Variants in GPC5 observed in about 807,000 individuals in gnomAD.
The protein encoded by GPC5 is glypican 5, also known as glypican-5.
Under a neutral mutation model 53.9 loss-of-function variants are expected in GPC5, and 47 were observed. That is an observed-to-expected ratio of 0.87 (90% CI 0.69 to 1.11). The LOEUF (loss-of-function observed/expected upper bound fraction) is 1.11, where lower values mean the gene tolerates loss of function less well. Among genes scored for constraint, GPC5 ranks in the 50% most tolerant of loss-of-function variants. The pLI is 0.00. For synonymous variants in GPC5, 286 were observed against 263.3 expected (o/e 1.09, Z -0.84); for missense variants, 748 against 713.1 (o/e 1.05, Z -0.56).
intron 6 of GPC5, among the ~76,000 whole-genome samples, chr13:91,941,629 G>T (rs1415130109): frequency 6.6e-6 from 1 of 152,040 alleles, no homozygotes; most frequent in Non-Finnish European, 1.5e-5. Flanking sequence ...TGATCACATT[G>T]GTTCAGATAT....
At position 91,647,669 on chromosome 13, in the gene GPC5, C is replaced by T. The variant is rs79006635; in HGVS notation, c.326-45518C>T. Reference sequence around the variant, plus strand: ...TGCCCTTACAGTTTTGCTGAATCTTCTTTAGACTACACAGCAGACTAGAAC... The same window carrying T: ...TGCCCTTACAGTTTTGCTGAATCTTTTTTAGACTACACAGCAGACTAGAAC... On this transcript the variant is annotated intron_variant, in intron 2 of 7. Transcript: ENST00000377067. 1.8e-3 allele frequency among the ~76,000 whole-genome samples: 276 copies of T among 152,326 alleles called. 2 individuals are homozygous for T. The East Asian group carries it at 0.049, about 27-fold the overall frequency.
intron 7 of GPC5, among the ~76,000 whole-genome samples, chr13:92,435,018 G>A (rs907222971): frequency 2.6e-5 from 4 of 152,130 alleles, no homozygotes; most frequent in African/African-American, 9.7e-5. Context: ...TGGTTCAAGC[G>A]ATTCTTCTGT....
At chr13:92,210,268 G>A (rs528722805) in intron 7 of GPC5, among the ~76,000 whole-genome samples, 18 of 152,088 alleles carry the variant, frequency 1.2e-4, no homozygotes, top group Admixed American at 8.5e-4. Flanking sequence ...TTCTAGTACC[G>A]TAAAGACTCA....
chr13:91,817,183 C>T (rs2038413222), intron 5 of GPC5, among the ~76,000 whole-genome samples: 1 of 152,174 alleles, frequency 6.6e-6, no homozygotes, highest in Non-Finnish European at 1.5e-5. Flanking sequence ...AATGCCAGCT[C>T]TTGACATATT....
intron 3 of GPC5, among the ~76,000 whole-genome samples, chr13:91,713,108 T>C (rs1398144566): frequency 1.3e-5 from 2 of 152,110 alleles, no homozygotes; most frequent in Non-Finnish European, 2.9e-5. Context: ...CGAGGATTGC[T>C]TGAACCCGGG....
At chr13:92,610,673 T>G (rs1009186774) in intron 7 of GPC5, among the ~76,000 whole-genome samples, 1 of 152,130 alleles carries the variant, frequency 6.6e-6, no homozygotes, top group African/African-American at 2.4e-5. Flanking sequence ...TTTAATTGAC[T>G]CATAGTTCAG....
At chr13:92,685,506 TA>T (rs879421267) in intron 7 of GPC5, among the ~76,000 whole-genome samples, 1 of 151,226 alleles carries the variant, frequency 6.6e-6, no homozygotes, top group African/African-American at 2.4e-5. Flanking sequence ...CTCTGCATTT[TA>T]AAAAAATAAT....
intron 7 of GPC5, among the ~76,000 whole-genome samples, chr13:92,655,410 C>G (rs1886098450): frequency 6.6e-6 from 1 of 152,068 alleles, no homozygotes; most frequent in Admixed American, 6.6e-5. Flanking sequence ...TCTCGACTCA[C>G]TGCAAACTCC....
chr13:92,720,379 ATAT>A (rs1167200393), intron 7 of GPC5, among the ~76,000 whole-genome samples: 1 of 152,170 alleles, frequency 6.6e-6, no homozygotes, highest in African/African-American at 2.4e-5. Context: ...GCATTTGGAA[ATAT>A]TATAAAAGTA....
At chr13:91,736,055 AC>A (rs1287710356) in intron 4 of GPC5, among the ~76,000 whole-genome samples, 1 of 151,480 alleles carries the variant, frequency 6.6e-6, no homozygotes, top group Non-Finnish European at 1.5e-5. Flanking sequence ...TGAATTAAAA[AC>A]ATTATTAAAT....
chr13:91,677,390 T>C (rs898439340), intron 2 of GPC5, among the ~76,000 whole-genome samples: 1 of 152,204 alleles, frequency 6.6e-6, no homozygotes, highest in South Asian at 2.1e-4. Flanking sequence ...TCCAGTTTTA[T>C]GGAATTTGGT....
intron 7 of GPC5, among the ~76,000 whole-genome samples, chr13:92,210,610 A>G (rs577684142): frequency 3.9e-5 from 6 of 152,244 alleles, no homozygotes; most frequent in Admixed American, 3.9e-4. Flanking sequence ...TTTTTTGAAT[A>G]CTGAGACCAT....
intron 2 of GPC5, among the ~76,000 whole-genome samples, chr13:91,602,781 G>A (rs1269869382): frequency 6.6e-6 from 1 of 152,110 alleles, no homozygotes; most frequent in Non-Finnish European, 1.5e-5. Context: ...CATTTATAAA[G>A]CGTAGTTCAA....
chr13:92,273,278 A>G (rs1217051029), intron 7 of GPC5, among the ~76,000 whole-genome samples: 1 of 152,084 alleles, frequency 6.6e-6, no homozygotes, highest in East Asian at 1.9e-4. Context: ...GAATTAATCA[A>G]TGGATGATGA....
chr13:92,525,523 TA>T (rs1162777335), intron 7 of GPC5, among the ~76,000 whole-genome samples: 2 of 149,132 alleles, frequency 1.3e-5, no homozygotes, highest in East Asian at 4.1e-4. Flanking sequence ...GTGACAGTAA[TA>T]AGTATATGAG....
chr13:92,465,213 A>T (rs900203542), intron 7 of GPC5, among the ~76,000 whole-genome samples: 4 of 152,088 alleles, frequency 2.6e-5, no homozygotes, highest in African/African-American at 9.6e-5. Flanking sequence ...ATTGCATAAA[A>T]GTGTATGTTA....
chr13:91,957,157 T>A (rs2040080884), intron 6 of GPC5, among the ~76,000 whole-genome samples: 1 of 152,168 alleles, frequency 6.6e-6, no homozygotes. Flanking sequence ...ATTCTGGGAC[T>A]GAGGAATTCA....
intron 3 of GPC5, among the ~76,000 whole-genome samples, chr13:91,705,166 A>T (rs969361960): frequency 6.6e-6 from 1 of 152,224 alleles, no homozygotes; most frequent in Non-Finnish European, 1.5e-5. Context: ...CATTTCAGGA[A>T]TGTGTAGTCT....
chr13:91,503,817 A>AATAATAATAATCATCATCATC (rs1555316221), intron 2 of GPC5, among the ~76,000 whole-genome samples: 2 of 147,416 alleles, frequency 1.4e-5, no homozygotes, highest in African/African-American at 5.0e-5. Flanking sequence ...TAATAATAAT[A>AATAATAATAATCATCATCATC]ATCAGGCTGT....
Sources: allele counts gnomAD v4.1 joint callset (sites outside exome capture counted in the v4.1 genomes callset), GRCh38; gene constraint gnomAD v4.1.1; transcripts MANE v1.5; gene names NCBI Gene and HGNC (gene_info 2026-07-23, HGNC 2026-07-21).